The following NAALADL2 variants were observed in gnomAD, a reference collection of about 807,000 sequenced individuals.
NAALADL2 encodes the protein N-acetylated alpha-linked acidic dipeptidase like 2, also known as inactive N-acetylated-alpha-linked acidic dipeptidase-like protein 2.
A neutral mutation model predicts 87.2 loss-of-function variants in NAALADL2; 76 were observed. The observed-to-expected ratio is 0.87, with a 90% CI of 0.72 to 1.05. The LOEUF (loss-of-function observed/expected upper bound fraction) is 1.05, where lower values mean the gene tolerates loss of function less well. Among genes scored for constraint, NAALADL2 ranks in the 50% least tolerant of loss-of-function variants. NAALADL2 has a pLI of 0.00. For missense variants in NAALADL2, 1,089 were observed against 945.8 expected, an observed-to-expected ratio of 1.15 and a Z score of -1.99; for synonymous variants, 354 against 331.0, an observed-to-expected ratio of 1.07 and a Z score of -0.75.
chr3:174,856,022 A>G (rs1725835172), upstream of NAALADL2, among the ~76,000 whole-genome samples: 1 of 151,396 alleles, frequency 6.6e-6, no homozygotes, highest in African/African-American at 2.4e-5. Context: ...GAAGTAAGAG[A>G]GAGAGACAGG....
intron 4 of NAALADL2, among the ~76,000 whole-genome samples, chr3:175,287,131 C>T (rs7647764): frequency 0.73 from 110,420 of 151,988 alleles, 40,597 homozygotes; most frequent in Non-Finnish European, 0.77. Context: ...ATTATTATCT[C>T]GTTCCGTATA....
At chr3:175,173,336 A>G (rs1279673859) in intron 2 of NAALADL2, among the ~76,000 whole-genome samples, 1 of 150,952 alleles carries the variant, frequency 6.6e-6, no homozygotes. Flanking sequence ...AAATAAATAA[A>G]TAAATAAATA....
At chr3:175,431,918 G>C in intron 5 of NAALADL2, among the ~76,000 whole-genome samples, 1 of 151,794 alleles carries the variant, frequency 6.6e-6, no homozygotes, top group East Asian at 1.9e-4. Context: ...CCACTACTCT[G>C]TTCAGTGGGT....
intron 2 of NAALADL2, among the ~76,000 whole-genome samples, chr3:175,113,189 A>G (rs1212141096): frequency 6.6e-6 from 1 of 151,544 alleles, no homozygotes; most frequent in Non-Finnish European, 1.5e-5. Flanking sequence ...AGACAGGGTA[A>G]CTCTCTAAAT....
chr3:175,068,400 A>G (rs528821472), intron 1 of NAALADL2, among the ~76,000 whole-genome samples: 120 of 152,274 alleles, frequency 7.9e-4, no homozygotes, highest in South Asian at 1.4e-3. Context: ...AAATTTCAGA[A>G]CTTTCTAAAG....
chr3:174,786,071 A>C (rs1277638722), intron 3 of NAALADL2, among the ~76,000 whole-genome samples: 1 of 152,182 alleles, frequency 6.6e-6, no homozygotes, highest in African/African-American at 2.4e-5. Context: ...AGGCCAGGGC[A>C]CAGCCAGGAA....
intron 2 of NAALADL2, among the ~76,000 whole-genome samples, chr3:174,565,028 C>T (rs1030138986): frequency 2.0e-5 from 3 of 151,566 alleles, no homozygotes; most frequent in African/African-American, 7.3e-5. Flanking sequence ...CTGAATTTTC[C>T]AATTTTACAG....
intron 2 of NAALADL2, among the ~76,000 whole-genome samples, chr3:174,700,109 T>TG (rs35832660): frequency 0.19 from 28,948 of 150,798 alleles, 3,927 homozygotes; most frequent in East Asian, 0.48. Flanking sequence ...AGCATTGATC[T>TG]GAAAAAAAAA....
intron 13 of NAALADL2, among the ~76,000 whole-genome samples, chr3:175,783,224 T>A (rs1456075283): frequency 6.6e-6 from 1 of 152,190 alleles, no homozygotes; most frequent in African/African-American, 2.4e-5. Flanking sequence ...TTAAAGTAGT[T>A]TTTTCCAATT....
intron 1 of NAALADL2, among the ~76,000 whole-genome samples, chr3:174,975,333 G>T (rs935775909): frequency 6.6e-6 from 1 of 152,120 alleles, no homozygotes; most frequent in African/African-American, 2.4e-5. Context: ...TCATTGGGAA[G>T]AAGTCCTAAA....
chr3:174,714,753 T>A (rs1731018262), intron 2 of NAALADL2, among the ~76,000 whole-genome samples: 1 of 152,164 alleles, frequency 6.6e-6, no homozygotes, highest in Admixed American at 6.5e-5. Flanking sequence ...ACAGGGACAA[T>A]TTGACTTCCT....
At chr3:174,608,566 A>T (rs1358785359) in intron 2 of NAALADL2, among the ~76,000 whole-genome samples, 1 of 152,100 alleles carries the variant, frequency 6.6e-6, no homozygotes, top group African/African-American at 2.4e-5. Flanking sequence ...AATCTAGAAG[A>T]AATGGATAAA....
intron 3 of NAALADL2, among the ~76,000 whole-genome samples, chr3:175,254,240 C>A (rs1225890393): frequency 1.3e-5 from 2 of 152,148 alleles, no homozygotes; most frequent in African/African-American, 4.8e-5. Flanking sequence ...TAACCTTTAG[C>A]AACTGTGACC....
intron 1 of NAALADL2, among the ~76,000 whole-genome samples, chr3:175,072,177 A>G (rs1715775469): frequency 6.6e-6 from 1 of 152,076 alleles, no homozygotes. Flanking sequence ...TACACAAAAA[A>G]GGACAGGCTA....
intron 1 of NAALADL2, among the ~76,000 whole-genome samples, chr3:174,960,293 A>G (rs750538418): frequency 3.3e-5 from 5 of 152,084 alleles, no homozygotes; most frequent in African/African-American, 4.8e-5. Flanking sequence ...GTATGTCAGA[A>G]TTAGTATAGA....
chr3:174,981,883 C>T (rs1346158893), intron 1 of NAALADL2, among the ~76,000 whole-genome samples: 5 of 152,126 alleles, frequency 3.3e-5, no homozygotes, highest in Admixed American at 2.6e-4. Context: ...GATCTAATTT[C>T]CAGGTAAAAT....
intron 13 of NAALADL2, among the ~76,000 whole-genome samples, chr3:175,772,276 T>TG (rs202174767): frequency 0.021 from 3,248 of 152,192 alleles, 111 homozygotes; most frequent in African/African-American, 0.073. Flanking sequence ...TATTTTTTTT[T>TG]TTGTTGCAAT....
At chr3:174,841,977 G>A (rs1004558625) in intron 3 of NAALADL2, among the ~76,000 whole-genome samples, 1 of 151,878 alleles carries the variant, frequency 6.6e-6, no homozygotes, top group Non-Finnish European at 1.5e-5. Context: ...ATCTGTGTAT[G>A]TGTGTGAATG....
At chr3:175,722,864 C>T (rs1219261238) in intron 11 of NAALADL2, among the ~76,000 whole-genome samples, 1 of 152,106 alleles carries the variant, frequency 6.6e-6, no homozygotes, top group Non-Finnish European at 1.5e-5. Flanking sequence ...ACTATATAGC[C>T]TCTTTATCAG....
Sources: allele counts gnomAD v4.1 joint callset (sites outside exome capture counted in the v4.1 genomes callset), GRCh38; gene constraint gnomAD v4.1.1; transcripts MANE v1.5; gene names NCBI Gene and HGNC (gene_info 2026-07-23, HGNC 2026-07-21).